The following IPP variants were observed in gnomAD, a reference collection of about 807,000 sequenced individuals.
IPP encodes actin-binding protein IPP.
Under a neutral mutation model 64.1 loss-of-function variants are expected in IPP, and 41 were observed. The ratio of observed to expected loss-of-function variants is 0.64; its 90% CI spans 0.50 to 0.83. The LOEUF (loss-of-function observed/expected upper bound fraction) is 0.83, where lower values mean the gene tolerates loss of function less well. Among genes scored for constraint, IPP ranks in the 40% least tolerant of loss-of-function variants. IPP has a pLI of 0.00. For missense variants in IPP, 649 were observed against 703.0 expected (o/e 0.92, Z 0.87); for synonymous variants, 214 against 235.2 (o/e 0.91, Z 0.83).
Position 45,704,677 on chromosome 1 carries a change from A to G in IPP, c.1531-4487T>C, listed in dbSNP as rs182828529. Among the ~76,000 whole-genome samples the G allele has an allele frequency of 5.3e-5, 8 of 152,312 alleles. No individual in the cohort carries two copies. The East Asian group carries it at 1.5e-3, about 29-fold the overall frequency. ...TAACTGCACAAATAGATATAGAAATATTTACAGATGAATATGTGTGTGAAA... is the reference window on the plus strand; with the variant it reads ...TAACTGCACAAATAGATATAGAAATGTTTACAGATGAATATGTGTGTGAAA... On this transcript the variant is annotated intron_variant, in intron 8 of 8. Transcript: ENST00000396478.
At chr1:45,732,864 A>C (rs574191616) in intron 3 of IPP, among the ~76,000 whole-genome samples, 2 of 151,916 alleles carry the variant, frequency 1.3e-5, no homozygotes, top group South Asian at 4.2e-4. Context: ...ACAGGGTTTC[A>C]CTGTGTTAGC....
chr1:45,712,440 A>G (rs61784800), intron 8 of IPP, among the ~76,000 whole-genome samples: 100,254 of 152,014 alleles, frequency 0.66, 33,398 homozygotes, highest in Non-Finnish European at 0.7. Context: ...TCTGATTATA[A>G]TAGAAATAAA....
At chr1:45,742,815 C>G (rs915680583) in intron 2 of IPP, among the ~76,000 whole-genome samples, 4 of 150,896 alleles carry the variant, frequency 2.7e-5, no homozygotes, top group African/African-American at 9.8e-5. Flanking sequence ...AGGGATTATA[C>G]ACAATGCTAG....
intron 8 of IPP, among the ~76,000 whole-genome samples, chr1:45,700,526 T>G (rs923794728): frequency 3.9e-5 from 6 of 151,998 alleles, no homozygotes; most frequent in Non-Finnish European, 8.8e-5. Context: ...ATTGTAGAGA[T>G]GGAATTTCAC....
chr1:45,729,229 T>C (rs1645873715), intron 4 of IPP, among the ~76,000 whole-genome samples: 1 of 152,006 alleles, frequency 6.6e-6, no homozygotes, highest in Admixed American at 6.6e-5. Flanking sequence ...TTGGAGATCA[T>C]TGGTTCCTAT....
Position 45,729,656 on chromosome 1 carries a change from C to A in IPP, c.838G>T (p.Val280Phe). 6.2e-7 allele frequency: 1 copy of A among 1,613,436 alleles called. No homozygotes were observed. Among genetic ancestry groups the A allele is most frequent in the Admixed American group, 1.7e-5 (1 of 59,940 alleles). ...KFCSFLQTSK[V>F]RPRKKARKYL... The stretch of plus-strand genomic sequence containing the variant: ...TTTCTTGCTTTCTTCCGAGGTCGAA[C>A]CTTAGATGTCTGCAGAAAACTACAA... Residue 280 changes from valine (V) to phenylalanine (F), a missense_variant, in exon 4 of 9, where the codon GTT (valine) becomes TTT (phenylalanine). Physicochemically the swap from Val to Phe is conservative, Grantham distance 50 (BLOSUM62 -1). Transcript: ENST00000396478.
chr1:45,719,658 GT>G (rs1350827004), intron 5 of IPP, among the ~76,000 whole-genome samples: 1 of 152,044 alleles, frequency 6.6e-6, no homozygotes, highest in African/African-American at 2.4e-5. Context: ...TCACATATTA[GT>G]TTTGGTGGCT....
downstream of IPP, chr1:45,694,600 C>G: frequency 1.4e-6 from 1 of 732,154 alleles, no homozygotes; most frequent in Non-Finnish European, 2.4e-6. Context: ...CATGGTATAA[C>G]CCAATTATAT....
At chr1:45,747,012 A>C (rs1646143175) in intron 1 of IPP, among the ~76,000 whole-genome samples, 1 of 151,946 alleles carries the variant, frequency 6.6e-6, no homozygotes, top group Non-Finnish European at 1.5e-5. Flanking sequence ...AACTCATCTG[A>C]GTTTGTTGCT....
intron 2 of IPP, among the ~76,000 whole-genome samples, chr1:45,744,239 C>T (rs1248545361): frequency 6.6e-6 from 1 of 152,166 alleles, no homozygotes; most frequent in African/African-American, 2.4e-5. Context: ...GAAGCCGCAG[C>T]ATCCTGGGCT....
At chr1:45,742,347 C>T (rs1463501144) in intron 2 of IPP, among the ~76,000 whole-genome samples, 1 of 151,938 alleles carries the variant, frequency 6.6e-6, no homozygotes, top group Non-Finnish European at 1.5e-5. Flanking sequence ...AACAAACCCG[C>T]ATATGTACCT....
Position 45,699,101 on chromosome 1 carries a change from A to C in IPP, c.*865T>G. ...CCCATTACAACATCTGGTCACTAAGAACCTCCTATTAATTCCTTACTTGCA... is the reference window on the plus strand; with the variant it reads ...CCCATTACAACATCTGGTCACTAAGCACCTCCTATTAATTCCTTACTTGCA... On this transcript the variant is annotated 3_prime_UTR_variant, in exon 9 of 9. Transcript: ENST00000396478. The C allele has an allele frequency of 1.0e-6, 1 of 985,322 alleles. No homozygotes were observed. The allele number at this position is 985,322 out of a possible 1,614,324, so 61.0% of individuals were successfully genotyped here. A position where few individuals can be genotyped will look rare whatever the true frequency, so the allele number is the denominator to read the frequency against.
chr1:45,746,129 T>C lies in IPP; in HGVS notation c.283A>G (p.Ile95Val). 7 of 1,612,064 alleles carry C rather than the reference T, an allele frequency of 4.3e-6. No individual in the cohort carries two copies. Among genetic ancestry groups the C allele is most frequent in the Non-Finnish European group, 5.1e-6 (6 of 1,178,252 alleles). Reference protein sequence around the residue: ...AGIFQILLDFIYTGIVNIGVN... With the variant: ...AGIFQILLDFVYTGIVNIGVN... ...GACTCATGTAACATACCTGTGTAAA[T>C]GAAATCTAGAAGTATCTGAAAGATT... is the stretch of plus-strand genomic sequence containing the variant. Residue 95 changes from isoleucine (I) to valine (V), a missense_variant, in exon 2 of 9, where the codon ATT becomes GTT. Ile to Val is a conservative substitution (Grantham distance 29). Coordinates refer to ENST00000396478, the MANE Select transcript of IPP (RefSeq NM_005897.3).
chr1:45,716,347 C>T (rs992951005), intron 7 of IPP, among the ~76,000 whole-genome samples: 5 of 152,184 alleles, frequency 3.3e-5, no homozygotes, highest in African/African-American at 1.2e-4. Context: ...TGGGTTCAAG[C>T]AATTATCCTG....
At chr1:45,750,143 C>T (rs954329810) in intron 1 of IPP, among the ~76,000 whole-genome samples, 2 of 152,144 alleles carry the variant, frequency 1.3e-5, no homozygotes, top group African/African-American at 2.4e-5. Flanking sequence ...CTGCTGGGAA[C>T]ATGTGGAAAC....
intron 2 of IPP, among the ~76,000 whole-genome samples, chr1:45,742,040 A>G (rs553234738): frequency 4.6e-5 from 7 of 152,340 alleles, no homozygotes; most frequent in African/African-American, 1.7e-4. Context: ...TTTTGCCATA[A>G]AAAAGAAGGA....
At chr1:45,732,184 A>C (rs1161863439) in intron 3 of IPP, among the ~76,000 whole-genome samples, 3 of 151,810 alleles carry the variant, frequency 2.0e-5, no homozygotes, top group Admixed American at 6.6e-5. Context: ...ACATGGTGAA[A>C]CCTCATCTCT....
chr1:45,694,611 G>A (rs947868590), downstream of IPP: 3 of 679,002 alleles, frequency 4.4e-6, no homozygotes, highest in Non-Finnish European at 8.0e-6. Flanking sequence ...CCAATTATAT[G>A]AGCTAAAAGG....
At chr1:45,748,101 G>A (rs894340018) in intron 1 of IPP, among the ~76,000 whole-genome samples, 3 of 151,948 alleles carry the variant, frequency 2.0e-5, no homozygotes, top group Non-Finnish European at 4.4e-5. Flanking sequence ...TGAGAGATTC[G>A]AAGGTAGCTG....
Sources: gnomAD v4.1 joint callset for allele counts (sites outside exome capture counted in the v4.1 genomes callset) on GRCh38, gnomAD v4.1.1 for gene constraint, MANE v1.5 for transcripts, NCBI Gene and HGNC (gene_info 2026-07-23, HGNC 2026-07-21) for gene names.